Variants in METTL24 observed in about 807,000 individuals in gnomAD.
METTL24 encodes the protein probable methyltransferase-like protein 24.
METTL24 carries 29 observed loss-of-function variants against 32.7 expected under a neutral mutation model. The ratio of observed to expected loss-of-function variants is 0.89; its 90% CI spans 0.66 to 1.21. The LOEUF is 1.21. METTL24 is among the 50% of genes most tolerant of loss of function. METTL24 has a pLI of 0.00. For missense variants in METTL24, 439 were observed against 468.1 expected (o/e 0.94, Z 0.57); for synonymous variants, 163 against 179.5 (o/e 0.91, Z 0.73).
intron 4 of METTL24, among the ~76,000 whole-genome samples, chr6:110,272,062 T>C (rs1306314315): frequency 1.3e-5 from 2 of 152,150 alleles, no homozygotes; most frequent in Non-Finnish European, 2.9e-5. Context: ...AGTTCTTTAG[T>C]GGTGATTTCT....
chr6:110,288,374 A>C (rs1771260893), intron 4 of METTL24, among the ~76,000 whole-genome samples: 1 of 152,196 alleles, frequency 6.6e-6, no homozygotes, highest in African/African-American at 2.4e-5. Context: ...TACATTCCCA[A>C]GGTGGTTCAC....
intron 1 of METTL24, among the ~76,000 whole-genome samples, chr6:110,349,127 C>A (rs1772542455): frequency 6.6e-6 from 1 of 152,160 alleles, no homozygotes; most frequent in Admixed American, 6.5e-5. Context: ...CATTTAGACA[C>A]GGATGATTGA....
At position 110,358,030 on chromosome 6, in the gene METTL24, C is replaced by T. The variant is rs1470320412; in HGVS notation, c.243G>A (p.Arg81=). The change falls in exon 1 of 5, where the codon CGG becomes CGA. Residue 81 remains arginine, a synonymous_variant. Transcript: ENST00000338882. The part of the protein sequence containing the change: ...RQVTYVRSGR[R]APPGGGGSGT... ...CGCTCCCGCCGCCCCCCGGCGGCGC[C>T]CGGCGACCGCTGCGCACGTAGGTCA... 5.3e-6 allele frequency: 6 copies of T among 1,130,616 alleles called. No individual in the cohort carries two copies. The highest frequency in any genetic ancestry group is 4.9e-5 in the African/African-American group (3 of 60,802). 70.0% of individuals were successfully genotyped at this position (1,130,616 alleles called of 1,614,324 possible).
At chr6:110,262,480 T>A (rs1258507956) in intron 4 of METTL24, among the ~76,000 whole-genome samples, 1 of 152,002 alleles carries the variant, frequency 6.6e-6, no homozygotes, top group Non-Finnish European at 1.5e-5. Flanking sequence ...AATTAATAGC[T>A]TACCAACCAA....
chr6:110,315,535 C>T (rs1465659699), intron 2 of METTL24, 54 bp from the exon 3 acceptor site: 1 of 1,588,444 alleles, frequency 6.3e-7, no homozygotes, highest in African/African-American at 1.3e-5. Flanking sequence ...TGATAAATAG[C>T]AGGTAGGGAC....
Position 110,358,106 on chromosome 6 carries a change from G to C in METTL24, c.167C>G (p.Pro56Arg), listed in dbSNP as rs889840437. ...CTGGCCCGGCGCGGGCGGCAGGTGCGGCCCAGGTGGCCGCCAGGCCGGGCC... is the reference window on the plus strand; with the variant it reads ...CTGGCCCGGCGCGGGCGGCAGGTGCCGCCCAGGTGGCCGCCAGGCCGGGCC... ...PPGPAWRPPG[P>R]HLPPAPGQPR... The change falls in exon 1 of 5, where the codon CCG becomes CGG. Residue 56 changes from proline (P) to arginine (R), a missense_variant. Physicochemically the swap from Pro to Arg is moderately radical, Grantham distance 103 (BLOSUM62 -2). Coordinates refer to ENST00000338882, the MANE Select transcript of METTL24 (RefSeq NM_001123364.3). 3 of 1,021,046 alleles carry C rather than the reference G, an allele frequency of 2.9e-6. No homozygotes were observed. In the African/African-American group the frequency reaches 5.2e-5, roughly 18 times the overall value. The allele number at this position is 1,021,046 out of a possible 1,614,324, so 63.2% of individuals were successfully genotyped here.
chr6:110,267,279 A>G (rs1413130687), intron 4 of METTL24, among the ~76,000 whole-genome samples: 2 of 152,246 alleles, frequency 1.3e-5, no homozygotes, highest in Non-Finnish European at 2.9e-5. Flanking sequence ...GAAATAAGAA[A>G]GAAAAACCTG....
Position 110,245,000 on chromosome 6 carries a change from A to G in METTL24, c.*946T>C, listed in dbSNP as rs749530158. ...TATCTATCTATCTATCTATCTATCT[A>G]TCATCTATCTATTTATCTACCTACC... On this transcript the variant is annotated 3_prime_UTR_variant, in exon 5 of 5. Transcript: ENST00000338882. 7.9e-5 allele frequency among the ~76,000 whole-genome samples: 12 copies of G among 151,940 alleles called. No homozygotes were observed. Among genetic ancestry groups the G allele is most frequent in the Non-Finnish European group, 1.3e-4 (9 of 67,994 alleles).
intron 4 of METTL24, among the ~76,000 whole-genome samples, chr6:110,296,878 C>A (rs1487081474): frequency 1.3e-5 from 2 of 152,128 alleles, no homozygotes; most frequent in Non-Finnish European, 2.9e-5. Flanking sequence ...GAAAACAGAT[C>A]GTGCTTGCTA....
intron 1 of METTL24, among the ~76,000 whole-genome samples, chr6:110,347,021 T>C (rs929150971): frequency 1.3e-5 from 2 of 152,238 alleles, no homozygotes; most frequent in African/African-American, 4.8e-5. Flanking sequence ...TGGCGTTCTT[T>C]TAAAATTTTG....
chr6:110,300,098 G>A (rs1640503744), intron 3 of METTL24, among the ~76,000 whole-genome samples: 1 of 152,106 alleles, frequency 6.6e-6, no homozygotes, highest in Non-Finnish European at 1.5e-5. Context: ...TAAATACAGT[G>A]AGCCCTCCAT....
At chr6:110,324,774 T>A (rs1477103426) in intron 1 of METTL24, among the ~76,000 whole-genome samples, 1 of 152,200 alleles carries the variant, frequency 6.6e-6, no homozygotes, top group Non-Finnish European at 1.5e-5. Flanking sequence ...CACCCTCATT[T>A]CTTTTTTCCT....
At chr6:110,273,273 G>C (rs947230099) in intron 4 of METTL24, among the ~76,000 whole-genome samples, 2 of 152,244 alleles carry the variant, frequency 1.3e-5, no homozygotes, top group East Asian at 1.9e-4. Flanking sequence ...TCAGTTGGCT[G>C]TAAGTATTTG....
chr6:110,289,163 C>T (rs547615563), intron 4 of METTL24, among the ~76,000 whole-genome samples: 2 of 152,258 alleles, frequency 1.3e-5, no homozygotes, highest in South Asian at 4.1e-4. Flanking sequence ...AAAAGCAAAA[C>T]CAAACCAAAA....
At position 110,319,202 on chromosome 6, in the gene METTL24, C is replaced by T. The variant is rs572565154; in HGVS notation, c.417+3572G>A. Among the ~76,000 whole-genome samples, 3 of 152,170 alleles carry T rather than the reference C, an allele frequency of 2.0e-5. No homozygotes were observed. The South Asian group carries it at 6.2e-4, about 32-fold the overall frequency. ...ATCAACTCTATGCTCTATGTTTATACAGTACCACTATTTTTGAAAGACTCG... is the reference window on the plus strand; with the variant it reads ...ATCAACTCTATGCTCTATGTTTATATAGTACCACTATTTTTGAAAGACTCG... On this transcript the variant is annotated intron_variant, in intron 2 of 4. Transcript: ENST00000338882.
intron 4 of METTL24, among the ~76,000 whole-genome samples, chr6:110,247,791 C>A (rs1778196063): frequency 6.6e-6 from 1 of 152,216 alleles, no homozygotes; most frequent in African/African-American, 2.4e-5. Flanking sequence ...TCTTTCCTTT[C>A]TCATTGCATG....
chr6:110,248,535 A>G (rs773776572), intron 4 of METTL24, among the ~76,000 whole-genome samples: 1 of 149,052 alleles, frequency 6.7e-6, no homozygotes, highest in Non-Finnish European at 1.5e-5. Flanking sequence ...TTCCAAACTC[A>G]AAGAGAAAAA....
At chr6:110,334,529 T>C (rs1425820697) in intron 1 of METTL24, among the ~76,000 whole-genome samples, 1 of 152,144 alleles carries the variant, frequency 6.6e-6, no homozygotes, top group Non-Finnish European at 1.5e-5. Flanking sequence ...GCTTGAATCC[T>C]CTCCTCTGAG....
chr6:110,269,917 G>A (rs952488476), intron 4 of METTL24, among the ~76,000 whole-genome samples: 8 of 152,122 alleles, frequency 5.3e-5, no homozygotes, highest in African/African-American at 1.9e-4. Context: ...CTCTCTGACC[G>A]CCCTAAATTC....
Sources: allele counts gnomAD v4.1 joint callset (sites outside exome capture counted in the v4.1 genomes callset), GRCh38; gene constraint gnomAD v4.1.1; transcripts MANE v1.5; gene names NCBI Gene and HGNC (gene_info 2026-07-23, HGNC 2026-07-21).